Variants in TMEM108 observed in about 807,000 individuals in gnomAD.
The protein encoded by TMEM108 is cancer/testis antigen 124.
Under a neutral mutation model 35.1 loss-of-function variants are expected in TMEM108, and 12 were observed. The observed-to-expected ratio is 0.34, with a 90% confidence interval of 0.22 to 0.55. The LOEUF is 0.55. TMEM108 is among the 20% of genes least tolerant of loss of function. The pLI is 0.89. For missense variants in TMEM108, 680 were observed against 753.3 expected (o/e 0.90, Z 1.14); for synonymous variants, 287 against 308.6 (o/e 0.93, Z 0.73).
intron 4 of TMEM108, chr3:133,389,155 C>G: frequency 8.1e-6 from 8 of 985,804 alleles, no homozygotes; most frequent in Non-Finnish European, 9.6e-6. Context: ...TCTGGACAGG[C>G]CACCCCACCT....
intron 3 of TMEM108, among the ~76,000 whole-genome samples, chr3:133,274,940 A>G (rs569451562): frequency 1.2e-4 from 18 of 152,276 alleles, no homozygotes; most frequent in African/African-American, 4.1e-4. Context: ...CTGCTCTTAG[A>G]TCTGCTAAGA....
At chr3:133,079,040 G>T (rs1421179052) in intron 2 of TMEM108, among the ~76,000 whole-genome samples, 3 of 152,158 alleles carry the variant, frequency 2.0e-5, no homozygotes, top group Admixed American at 2.0e-4. Flanking sequence ...TATAAATATT[G>T]AATTCAGCGA....
intron 3 of TMEM108, among the ~76,000 whole-genome samples, chr3:133,255,215 C>T (rs908585666): frequency 6.6e-6 from 1 of 152,092 alleles, no homozygotes; most frequent in African/African-American, 2.4e-5. Context: ...TCTGAGAAGG[C>T]ATTTGGAGCC....
At chr3:133,311,365 G>A (rs2071126465) in intron 3 of TMEM108, among the ~76,000 whole-genome samples, 1 of 151,976 alleles carries the variant, frequency 6.6e-6, no homozygotes, top group Non-Finnish European at 1.5e-5. Flanking sequence ...ATGTAGATTT[G>A]GTCTTTTCAC....
At chr3:133,197,095 T>C (rs1215085246) in intron 2 of TMEM108, among the ~76,000 whole-genome samples, 2 of 152,194 alleles carry the variant, frequency 1.3e-5, no homozygotes, top group Non-Finnish European at 2.9e-5. Flanking sequence ...GCACACAATA[T>C]CCATTCACAG....
intron 3 of TMEM108, among the ~76,000 whole-genome samples, chr3:133,369,693 G>A (rs551056150): frequency 4.2e-4 from 64 of 152,222 alleles, no homozygotes; most frequent in Non-Finnish European, 7.9e-4. Flanking sequence ...AAGCACATCA[G>A]TAGGTAAATT....
chr3:133,160,241 G>A (rs974110901), intron 2 of TMEM108, among the ~76,000 whole-genome samples: 3 of 152,202 alleles, frequency 2.0e-5, no homozygotes, highest in Non-Finnish European at 2.9e-5. Context: ...GCGCTGCTGC[G>A]AGAAGAGGAA....
intron 2 of TMEM108, among the ~76,000 whole-genome samples, chr3:133,172,624 T>A (rs1945146738): frequency 6.6e-6 from 1 of 152,224 alleles, no homozygotes; most frequent in South Asian, 2.1e-4. Context: ...TACAGTCATA[T>A]TGGTTAATAG....
At chr3:133,090,738 A>T (rs920667324) in intron 2 of TMEM108, among the ~76,000 whole-genome samples, 2 of 152,168 alleles carry the variant, frequency 1.3e-5, no homozygotes, top group Non-Finnish European at 2.9e-5. Context: ...TTACATGCAT[A>T]TAGGGATATA....
At chr3:133,382,844 G>A (rs541351087) in intron 4 of TMEM108, among the ~76,000 whole-genome samples, 6 of 152,242 alleles carry the variant, frequency 3.9e-5, no homozygotes, top group South Asian at 4.2e-4. Context: ...TTCAGGAGCC[G>A]CCTCTCATAG....
At chr3:133,040,506 A>C (rs1228373242) in intron 1 of TMEM108, among the ~76,000 whole-genome samples, 1 of 151,988 alleles carries the variant, frequency 6.6e-6, no homozygotes, top group Non-Finnish European at 1.5e-5. Flanking sequence ...CCGGCCAGAA[A>C]ATTTTTTTTT....
chr3:133,063,935 G>A (rs1943565498), intron 2 of TMEM108, among the ~76,000 whole-genome samples: 1 of 152,164 alleles, frequency 6.6e-6, no homozygotes, highest in Non-Finnish European at 1.5e-5. Context: ...CAACTTTGTG[G>A]ATCACTTCAC....
chr3:133,065,026 A>C (rs956621885), intron 2 of TMEM108, among the ~76,000 whole-genome samples: 1 of 152,122 alleles, frequency 6.6e-6, no homozygotes, highest in African/African-American at 2.4e-5. Flanking sequence ...CCAGCCTGTA[A>C]ACTTTTACAA....
chr3:133,057,463 A>G (rs1466109504), intron 2 of TMEM108, among the ~76,000 whole-genome samples: 1 of 43,690 alleles, frequency 2.3e-5, no homozygotes, highest in Non-Finnish European at 5.7e-5. Context: ...ATATATATAT[A>G]TATATATATA....
chr3:133,279,725 A>C (rs761248678), intron 3 of TMEM108, among the ~76,000 whole-genome samples: 9 of 152,228 alleles, frequency 5.9e-5, no homozygotes, highest in Admixed American at 3.9e-4. Flanking sequence ...TTAGGTGCTC[A>C]GTAAATGCCT....
intron 2 of TMEM108, among the ~76,000 whole-genome samples, chr3:133,210,026 A>G (rs1435362913): frequency 1.3e-5 from 2 of 152,202 alleles, no homozygotes; most frequent in African/African-American, 4.8e-5. Flanking sequence ...CTTGAATTGC[A>G]TGAAAGGCAT....
chr3:133,119,542 A>G (rs996110707), intron 2 of TMEM108: 9 of 152,234 alleles, frequency 5.9e-5, no homozygotes, highest in Non-Finnish European at 1.3e-4. Context: ...TTATCTATGA[A>G]GAAAGGACCC....
chr3:133,060,857 A>G (rs1943526805), intron 2 of TMEM108, among the ~76,000 whole-genome samples: 4 of 152,240 alleles, frequency 2.6e-5, no homozygotes, highest in Admixed American at 2.6e-4. Context: ...AAAAAAAACT[A>G]GAAATAACCT....
At chr3:133,152,106 A>T (rs974129202) in intron 2 of TMEM108, among the ~76,000 whole-genome samples, 12 of 152,192 alleles carry the variant, frequency 7.9e-5, no homozygotes, top group Non-Finnish European at 1.5e-4. Context: ...GAGTGCTTCC[A>T]AAATGCCAGT....
Sources: allele counts gnomAD v4.1 joint callset (sites outside exome capture counted in the v4.1 genomes callset), GRCh38; gene constraint gnomAD v4.1.1; transcripts MANE v1.5; gene names NCBI Gene and HGNC (gene_info 2026-07-23, HGNC 2026-07-21).